CACNA1A: variants seen among roughly 807,000 people sequenced by gnomAD.
CACNA1A encodes calcium voltage-gated channel subunit alpha1 A, also known as voltage-dependent P/Q-type calcium channel subunit alpha-1A.
CACNA1A carries 57 observed loss-of-function variants against 262.4 expected under a neutral mutation model. The observed-to-expected ratio is 0.22, with a 90% confidence interval of 0.18 to 0.27. The LOEUF (loss-of-function observed/expected upper bound fraction) is 0.27, where lower values mean the gene tolerates loss of function less well. Among genes scored for constraint, CACNA1A ranks in the 10% least tolerant of loss-of-function variants. The probability of loss-of-function intolerance (pLI) is 1.00; values close to 1 mark genes in which losing one functional copy is unlikely to be tolerated. For missense variants in CACNA1A, 2,526 were observed against 3,562.8 expected, an observed-to-expected ratio of 0.71 and a Z score of 7.41; for synonymous variants, 1,431 against 1,419.3, an observed-to-expected ratio of 1.01 and a Z score of -0.18.
intron 31 of CACNA1A, among the ~76,000 whole-genome samples, chr19:13,237,585 G>A (rs949077043): frequency 2.6e-5 from 4 of 152,166 alleles, no homozygotes; most frequent in African/African-American, 9.7e-5. Context: ...TGGGTTTGAT[G>A]GCAATGTCTA....
intron 18 of CACNA1A, 67 bp from the exon 19 acceptor site, chr19:13,299,420 C>T (rs1310497377): frequency 2.7e-5 from 37 of 1,374,470 alleles, no homozygotes; most frequent in Non-Finnish European, 3.5e-5. Context: ...ATGACCCAGG[C>T]GAACCAACCC....
chr19:13,208,319 G>A (rs2054654861), intron 46 of CACNA1A, among the ~76,000 whole-genome samples: 1 of 151,972 alleles, frequency 6.6e-6, no homozygotes, highest in Non-Finnish European at 1.5e-5. Context: ...AAAGTGAAAA[G>A]AGAAATGAGA....
At chr19:13,414,052 C>A (rs1057339038) in intron 3 of CACNA1A, among the ~76,000 whole-genome samples, 2 of 151,634 alleles carry the variant, frequency 1.3e-5, no homozygotes, top group South Asian at 4.2e-4. Context: ...AGTGGGACCC[C>A]ATCTCTACAA....
intron 30 of CACNA1A, among the ~76,000 whole-genome samples, chr19:13,248,658 C>T (rs1053450712): frequency 2.0e-5 from 3 of 151,988 alleles, no homozygotes; most frequent in African/African-American, 4.8e-5. Flanking sequence ...ACCTGGCTGA[C>T]GTGGTGAATC....
intron 3 of CACNA1A, among the ~76,000 whole-genome samples, chr19:13,426,731 C>G (rs1204579635): frequency 6.6e-6 from 1 of 152,118 alleles, no homozygotes; most frequent in African/African-American, 2.4e-5. Context: ...CCTCATTTGA[C>G]AAATAAGTAA....
intron 1 of CACNA1A, among the ~76,000 whole-genome samples, chr19:13,468,605 G>T (rs923918938): frequency 6.6e-6 from 1 of 152,088 alleles, no homozygotes; most frequent in African/African-American, 2.4e-5. Context: ...TGGTCAACAT[G>T]GTGAAACCCT....
At chr19:13,441,716 T>C (rs964794233) in intron 3 of CACNA1A, among the ~76,000 whole-genome samples, 1 of 149,902 alleles carries the variant, frequency 6.7e-6, no homozygotes, top group South Asian at 2.1e-4. Flanking sequence ...TCCAGTGGCA[T>C]GATCTTGGTC....
At chr19:13,354,330 C>T (rs1337131336) in intron 6 of CACNA1A, among the ~76,000 whole-genome samples, 2 of 152,188 alleles carry the variant, frequency 1.3e-5, no homozygotes, top group Non-Finnish European at 2.9e-5. Flanking sequence ...GCTTCGGCTC[C>T]AGCACCAGTC....
chr19:13,229,246 C>G (rs980058714), intron 36 of CACNA1A: 2 of 153,186 alleles, frequency 1.3e-5, no homozygotes, highest in African/African-American at 4.8e-5. Context: ...CTCCTGCCCA[C>G]CTTCCTCGTG....
intron 6 of CACNA1A, among the ~76,000 whole-genome samples, chr19:13,352,155 A>G (rs993464): frequency 6.6e-6 from 1 of 151,968 alleles, no homozygotes; most frequent in Non-Finnish European, 1.5e-5. Context: ...AATTGGCTCA[A>G]GCCAATTTGG....
At chr19:13,488,644 C>A (rs953858504) in intron 1 of CACNA1A, among the ~76,000 whole-genome samples, 2 of 151,934 alleles carry the variant, frequency 1.3e-5, no homozygotes, top group Non-Finnish European at 2.9e-5. Flanking sequence ...AGGTGATCCA[C>A]CCGCCTTGGC....
intron 3 of CACNA1A, among the ~76,000 whole-genome samples, chr19:13,385,404 A>G (rs1196123849): frequency 1.3e-5 from 2 of 151,372 alleles, no homozygotes; most frequent in Non-Finnish European, 1.5e-5. Context: ...TAATTTTTAC[A>G]TTTTTAGTAG....
chr19:13,330,390 C>A, intron 9 of CACNA1A, 57 bp from the exon 10 acceptor site: 1 of 1,213,938 alleles, frequency 8.2e-7, no homozygotes, highest in Non-Finnish European at 1.2e-6. Context: ...GCAACACAGA[C>A]CATATGGACA....
intron 22 of CACNA1A, among the ~76,000 whole-genome samples, chr19:13,282,641 A>T (rs990095802): frequency 3.3e-5 from 5 of 149,494 alleles, no homozygotes; most frequent in Admixed American, 2.0e-4. Context: ...CCACTCTCTC[A>T]TTCCCCTGAG....
At chr19:13,505,011 C>T (rs1357715794) in intron 1 of CACNA1A, among the ~76,000 whole-genome samples, 1 of 152,018 alleles carries the variant, frequency 6.6e-6, no homozygotes, top group Non-Finnish European at 1.5e-5. Context: ...AAGATGTCCA[C>T]ATGGGTGCTG....
At chr19:13,262,908 G>T in intron 24 of CACNA1A, 75 bp from the exon 25 acceptor site, 1 of 945,808 alleles carries the variant, frequency 1.1e-6, no homozygotes, top group Non-Finnish European at 1.7e-6. Flanking sequence ...GCAGCCCACA[G>T]CTCCATGGGA....
At chr19:13,402,522 C>T (rs552167143) in intron 3 of CACNA1A, among the ~76,000 whole-genome samples, 1 of 149,646 alleles carries the variant, frequency 6.7e-6, no homozygotes, top group Non-Finnish European at 1.5e-5. Context: ...ACCTGTACCC[C>T]AATAACTTAT....
intron 1 of CACNA1A, among the ~76,000 whole-genome samples, chr19:13,467,729 C>T (rs188956920): frequency 7.4e-4 from 112 of 151,674 alleles, no homozygotes; most frequent in Middle Eastern, 3.4e-3. Flanking sequence ...CTCATCCTCC[C>T]GAGTAGCTGG....
chr19:13,303,663 G>A (rs1326130510), intron 16 of CACNA1A, 50 bp from the exon 17 acceptor site: 5 of 1,589,194 alleles, frequency 3.1e-6, no homozygotes, highest in Non-Finnish European at 4.3e-6. Context: ...ACACCACTTG[G>A]GCCCTGGGTA....
Sources: allele counts gnomAD v4.1 joint callset (sites outside exome capture counted in the v4.1 genomes callset), GRCh38; gene constraint gnomAD v4.1.1; transcripts MANE v1.5; gene names NCBI Gene and HGNC (gene_info 2026-07-23, HGNC 2026-07-21).